Variants in SMG1 observed in about 807,000 individuals in gnomAD.
SMG1 encodes the protein SMG1 nonsense mediated mRNA decay associated PI3K related kinase.
In SMG1, 22 loss-of-function variants were observed where a neutral mutation model predicts 419.9. The observed-to-expected ratio is 0.05, with a 90% CI of 0.04 to 0.07. The LOEUF (loss-of-function observed/expected upper bound fraction) is 0.07, where lower values mean the gene tolerates loss of function less well. Among genes scored for constraint, SMG1 ranks in the 10% least tolerant of loss-of-function variants. The probability of loss-of-function intolerance (pLI) is 1.00; values close to 1 mark genes in which losing one functional copy is unlikely to be tolerated. For synonymous variants in SMG1, 1,538 were observed against 1,553.5 expected, an observed-to-expected ratio of 0.99 and a Z score of 0.23; for missense variants, 3,185 against 4,342.0, an observed-to-expected ratio of 0.73 and a Z score of 7.49.
chr16:18,830,498 GTGT>G (rs2033096773), intron 51 of SMG1, 129 bp from the exon 52 acceptor site: 2 of 1,092,980 alleles, frequency 1.8e-6, no homozygotes, highest in Admixed American at 5.2e-5. Context: ...TTAAGAAGAA[GTGT>G]TATTAGGCCG....
intron 6 of SMG1, among the ~76,000 whole-genome samples, chr16:18,887,218 C>T (rs1233811875): frequency 6.6e-6 from 1 of 152,146 alleles, no homozygotes; most frequent in Non-Finnish European, 1.5e-5. Flanking sequence ...AGAATTTTCA[C>T]AAGAGCTGGG....
chr16:18,827,978 T>C (rs1329363798), intron 55 of SMG1, 53 bp downstream of exon 55: 14 of 1,562,294 alleles, frequency 9.0e-6, no homozygotes, highest in Middle Eastern at 1.7e-4. Context: ...AATCATAGTA[T>C]TGGTTATTTC....
At chr16:18,887,760 A>T (rs886969915) in intron 6 of SMG1, among the ~76,000 whole-genome samples, 1 of 95,436 alleles carries the variant, frequency 1.0e-5, no homozygotes, top group Non-Finnish European at 2.0e-5. Flanking sequence ...TATCAAAAAC[A>T]GTAAAAAAAA....
At chr16:18,858,548 A>ATATT (rs2035042391) in intron 28 of SMG1, 1 of 262,554 alleles carries the variant, frequency 3.8e-6, no homozygotes, top group Admixed American at 5.1e-5. Context: ...TATACTTAAT[A>ATATT]AAGCACATTA....
chr16:18,888,704 G>A (rs1310960739), intron 6 of SMG1, among the ~76,000 whole-genome samples: 1 of 151,530 alleles, frequency 6.6e-6, no homozygotes, highest in Admixed American at 6.6e-5. Flanking sequence ...TTGACCTCAT[G>A]ATGTTTCCAC....
In SMG1 at chr16:18,809,350, C is replaced by CTTGA. The variant is rs1358074276; in HGVS notation, c.*215_*218dup. ...GGCGGTGAGCTTGCTTTCCTTCACC[C>CTTGA]TTGACCCTGGGGTTGCAGGCCATGG... is the stretch of plus-strand genomic sequence containing the variant. On this transcript the variant is annotated 3_prime_UTR_variant, in exon 63 of 63. Transcript: ENST00000446231. The CTTGA allele has an allele frequency of 2.3e-5, 12 of 533,292 alleles. No homozygotes were observed. Among genetic ancestry groups the CTTGA allele is most frequent in the Non-Finnish European group, 3.8e-5 (11 of 286,646 alleles). The allele number at this position is 533,292 out of a possible 1,614,324, so 33.0% of individuals were successfully genotyped here. A position where few individuals can be genotyped will look rare whatever the true frequency, so the allele number is the denominator to read the frequency against.
intron 18 of SMG1, among the ~76,000 whole-genome samples, chr16:18,870,407 C>A (rs1177770993): frequency 6.6e-6 from 1 of 152,108 alleles, no homozygotes; most frequent in African/African-American, 2.4e-5. Flanking sequence ...TTATTGTGAG[C>A]CTATAAAGCT....
intron 13 of SMG1, among the ~76,000 whole-genome samples, chr16:18,872,976 G>C (rs1037293205): frequency 6.6e-6 from 1 of 151,852 alleles, no homozygotes; most frequent in African/African-American, 2.4e-5. Flanking sequence ...CAACACAGCG[G>C]GACCCCATCT....
At chr16:18,870,997 A>C in intron 16 of SMG1, 109 bp from the exon 17 acceptor site, 2 of 676,672 alleles carry the variant, frequency 3.0e-6, no homozygotes, top group East Asian at 2.7e-5. Context: ...GTGAGTGCCT[A>C]CTATAGACTA....
At chr16:18,871,120 G>C (rs1365394567) in intron 16 of SMG1, among the ~76,000 whole-genome samples, 1 of 152,028 alleles carries the variant, frequency 6.6e-6, no homozygotes, top group African/African-American at 2.4e-5. Flanking sequence ...TTTTCTGAGA[G>C]AAAATGTAAA....
At chr16:18,859,310 C>G in intron 27 of SMG1, 129 bp from the exon 28 acceptor site, 1 of 670,182 alleles carries the variant, frequency 1.5e-6, no homozygotes, top group East Asian at 2.7e-5. Context: ...GCAGCCTGCT[C>G]TATAATAAAA....
At chr16:18,884,262 A>G in intron 8 of SMG1, 95 bp from the exon 9 acceptor site, 1 of 580,406 alleles carries the variant, frequency 1.7e-6, no homozygotes, top group Non-Finnish European at 3.0e-6. Context: ...TTTAAGAGGT[A>G]TCTGGTTTTC....
intron 36 of SMG1, among the ~76,000 whole-genome samples, 163 bp from the exon 37 acceptor site, chr16:18,848,196 T>C (rs1043126564): frequency 6.6e-6 from 1 of 152,254 alleles, no homozygotes; most frequent in Non-Finnish European, 1.5e-5. Flanking sequence ...TTCTGCCTTT[T>C]TATAGGTTGA....
rs2031451071 is a variant in SMG1, at chr16:18,811,987, T to C, written c.10762A>G (p.Ser3588Gly). 1 of 1,613,886 alleles carries C rather than the reference T, an allele frequency of 6.2e-7. No homozygotes were observed. Among genetic ancestry groups the C allele is most frequent in the South Asian group, 1.1e-5 (1 of 91,092 alleles). The stretch of plus-strand genomic sequence containing the variant: ...GGGTCTCTGACTGCCTTTTTAGGAC[T>C]ACAAGCAACACTCTTGCCAGTTCCT... ...VPGTGKSVAC[S>G]PKKAVRDPKT... The change falls in exon 61 of 63, where the codon AGT (serine) becomes GGT (glycine). Residue 3588 changes from serine to glycine, a missense_variant. By Grantham distance (56) the Ser-to-Gly change is moderately conservative (BLOSUM62 0). This residue lies in a region of SMG1 where 737 missense variants were observed against 846.6 expected (regional missense o/e 0.87). Coordinates refer to ENST00000446231, the MANE Select transcript of SMG1 (RefSeq NM_015092.5).
Position 18,923,559 on chromosome 16 carries a change from C to T in SMG1, c.92+2391G>A, listed in dbSNP as rs369661352. ...AGGCAGGAGAATTTTTCCTTGTAACCGGGAGGCAGAGGCTGCAGTGAGTCG... is the reference window on the plus strand; with the variant it reads ...AGGCAGGAGAATTTTTCCTTGTAACTGGGAGGCAGAGGCTGCAGTGAGTCG... On this transcript the variant is annotated intron_variant, in intron 1 of 62. Coordinates refer to ENST00000446231, the MANE Select transcript of SMG1 (RefSeq NM_015092.5). Among the ~76,000 whole-genome samples the T allele has an allele frequency of 1.3e-4, 19 of 151,550 alleles. No homozygotes were observed. In the East Asian group the frequency reaches 3.5e-3, roughly 28 times the overall value.
At chr16:18,870,333 G>T (rs8060257) in intron 18 of SMG1, among the ~76,000 whole-genome samples, 2,788 of 152,312 alleles carry the variant, frequency 0.018, 88 homozygotes, top group African/African-American at 0.063. Flanking sequence ...TTACTGTTTA[G>T]TTTTTCAAAT....
In SMG1 at chr16:18,841,509, T is replaced by C. The variant is rs2033925149; in HGVS notation, c.6696+56A>G. 12 of 1,526,262 alleles carry C rather than the reference T, an allele frequency of 7.9e-6. No individual in the cohort carries two copies. In the South Asian group the frequency reaches 1.2e-4, roughly 16 times the overall value. 94.5% of individuals were successfully genotyped at this position (1,526,262 alleles called of 1,614,324 possible). A position where few individuals can be genotyped will look rare whatever the true frequency, so the allele number is the denominator to read the frequency against. ...AAAAATGGTCCAGTAAGTCTACAAG[T>C]ATTTCACATAATAACAGAGAATAGA... On this transcript the variant is annotated intron_variant, in intron 41 of 62. Transcript: ENST00000446231.
At chr16:18,864,187 C>CTTTT (rs748193551) in intron 23 of SMG1, 43 bp from the exon 24 acceptor site, 182 of 597,760 alleles carry the variant, frequency 3.0e-4, no homozygotes, top group Admixed American at 6.9e-4. Context: ...TATCTACTTA[C>CTTTT]TTTTTTTTTT....
At chr16:18,909,164 G>A (rs2037697343) in intron 1 of SMG1, among the ~76,000 whole-genome samples, 1 of 151,724 alleles carries the variant, frequency 6.6e-6, no homozygotes. Context: ...CCAACATGGA[G>A]AAATCCTGTC....
Sources: allele counts gnomAD v4.1 joint callset (sites outside exome capture counted in the v4.1 genomes callset), GRCh38; gene constraint gnomAD v4.1.1; regional missense constraint gnomAD v4.1.1; transcripts MANE v1.5; gene names NCBI Gene and HGNC (gene_info 2026-07-23, HGNC 2026-07-21).